Variants in CREB3L2 observed in about 807,000 individuals in gnomAD.
CREB3L2 encodes the protein cAMP responsive element binding protein 3 like 2.
Under a neutral mutation model 57.2 loss-of-function variants are expected in CREB3L2, and 23 were observed. The ratio of observed to expected loss-of-function variants is 0.40; its 90% CI spans 0.29 to 0.57. The LOEUF (loss-of-function observed/expected upper bound fraction) is 0.57, where lower values mean the gene tolerates loss of function less well. CREB3L2 is among the 20% of genes least tolerant of loss of function. The pLI is 0.42. For synonymous variants in CREB3L2, 268 were observed against 265.1 expected, an observed-to-expected ratio of 1.01 and a Z score of -0.11; for missense variants, 628 against 634.7, an observed-to-expected ratio of 0.99 and a Z score of 0.11.
At chr7:137,962,089 T>G (rs189909625) in intron 1 of CREB3L2, among the ~76,000 whole-genome samples, 18 of 152,248 alleles carry the variant, frequency 1.2e-4, no homozygotes, top group Admixed American at 5.2e-4. Flanking sequence ...AGGAAACACT[T>G]GTAGAACAAG....
In CREB3L2 at chr7:137,875,526, T is replaced by C. The variant is rs537586531; in HGVS notation, c.*4950A>G. 10 of 222,840 alleles carry C rather than the reference T, an allele frequency of 4.5e-5. No homozygotes were observed. The highest frequency in any genetic ancestry group is 1.8e-4 in the South Asian group (1 of 5,440). The allele number at this position is 222,840 out of a possible 1,614,324, so 13.8% of individuals were successfully genotyped here. On this transcript the variant is annotated 3_prime_UTR_variant, in exon 12 of 12. Coordinates refer to ENST00000330387, the MANE Select transcript of CREB3L2 (RefSeq NM_194071.4). Reference sequence around the variant, plus strand: ...CCTGCTAGCTGGAACTCACAGAAGATTGGAACAAAAAGATAGGAGATGGAC... The same window carrying C: ...CCTGCTAGCTGGAACTCACAGAAGACTGGAACAAAAAGATAGGAGATGGAC...
At chr7:137,942,026 T>C (rs543257420) in intron 1 of CREB3L2, among the ~76,000 whole-genome samples, 161 of 152,320 alleles carry the variant, frequency 1.1e-3, no homozygotes, top group African/African-American at 3.5e-3. Context: ...GATTGATTGA[T>C]CTTCCTTTCC....
chr7:137,997,592 G>A (rs1243453963), intron 1 of CREB3L2, among the ~76,000 whole-genome samples: 1 of 151,898 alleles, frequency 6.6e-6, no homozygotes, highest in African/African-American at 2.4e-5. Context: ...GCCAGGCATG[G>A]TGGCACACAC....
chr7:137,913,133 AC>A, intron 3 of CREB3L2, 55 bp from the exon 4 acceptor site: 1 of 1,559,052 alleles, frequency 6.4e-7, no homozygotes, highest in South Asian at 1.2e-5. Flanking sequence ...CCTTGAAGAC[AC>A]ATGCAGGAGA....
Position 137,880,399 on chromosome 7 carries a change from G to T in CREB3L2, c.*77C>A. On this transcript the variant is annotated 3_prime_UTR_variant, in exon 12 of 12. Transcript: ENST00000330387. This position sits in a 1 kb window ranked among gnomAD's most constrained non-coding sequence, Gnocchi z 4.0. ...CTCCATGAAGATCCAGTGGCAAAGAGGAAAAGCTGATGACAAAGGTGGTTT... is the reference window on the plus strand; with the variant it reads ...CTCCATGAAGATCCAGTGGCAAAGATGAAAAGCTGATGACAAAGGTGGTTT... 2 of 1,225,714 alleles carry T rather than the reference G, an allele frequency of 1.6e-6. No individual in the cohort carries two copies. The highest frequency in any genetic ancestry group is 2.4e-6 in the Non-Finnish European group (2 of 842,390). 75.9% of individuals were successfully genotyped at this position (1,225,714 alleles called of 1,614,324 possible). A position where few individuals can be genotyped will look rare whatever the true frequency, so the allele number is the denominator to read the frequency against.
rs59967148 is a variant in CREB3L2, at chr7:138,001,082, AACACACACACACACACAC to A, written c.102+504_102+521del. On this transcript the variant is annotated intron_variant, in intron 1 of 11. Transcript: ENST00000330387. This position sits in a 1 kb window ranked among gnomAD's most constrained non-coding sequence, Gnocchi z 4.2. ...CTCCCTAACGTAGAGGAGCCCTTTC[AACACACACACACACACAC>A]ACACACACACACACACACACACACA... is the stretch of plus-strand genomic sequence containing the variant. Among the ~76,000 whole-genome samples, 2,348 of 136,800 alleles carry A rather than the reference AACACACACACACACACAC, an allele frequency of 0.017. 76 individuals carry two copies. Among genetic ancestry groups the A allele is most frequent in the African/African-American group, 0.058 (2,181 of 37,404 alleles). The allele number at this position is 136,800 out of a possible 152,430, so 89.7% of individuals were successfully genotyped here.
At position 137,879,466 on chromosome 7, in the gene CREB3L2, C is replaced by T. The variant is rs529678747; in HGVS notation, c.*1010G>A. The T allele has an allele frequency of 8.0e-6, 3 of 375,092 alleles. No individual in the cohort carries two copies. In the Admixed American group the frequency reaches 1.3e-4, roughly 16 times the overall value. The allele number at this position is 375,092 out of a possible 1,614,324, so 23.2% of individuals were successfully genotyped here. A position where few individuals can be genotyped will look rare whatever the true frequency, so the allele number is the denominator to read the frequency against. On this transcript the variant is annotated 3_prime_UTR_variant, in exon 12 of 12. Coordinates refer to ENST00000330387, the MANE Select transcript of CREB3L2 (RefSeq NM_194071.4). ...AGAAAAAGCTTGTGGCCAGGGAGCC[C>T]GGGGCCTGAGTGAGGCATTGTGTCA...
intron 1 of CREB3L2, among the ~76,000 whole-genome samples, chr7:137,972,712 A>AATATAT (rs1563270138): frequency 8.8e-5 from 3 of 34,114 alleles, no homozygotes; most frequent in African/African-American, 2.8e-4. Flanking sequence ...AAAAAAAAAA[A>AATATAT]ATATATATAT....
chr7:137,943,829 C>T (rs1342243800), intron 1 of CREB3L2, among the ~76,000 whole-genome samples: 1 of 152,130 alleles, frequency 6.6e-6, no homozygotes, highest in African/African-American at 2.4e-5. Context: ...CCCCCTTTCC[C>T]ATTATGACAA....
intron 1 of CREB3L2, among the ~76,000 whole-genome samples, chr7:137,991,016 G>A (rs1053702527): frequency 6.6e-6 from 1 of 151,908 alleles, no homozygotes; most frequent in African/African-American, 2.4e-5. Flanking sequence ...TTTTGTCTGG[G>A]TTTCACTTAA....
rs1444103192 is a variant in CREB3L2 at position 137,877,345 on chromosome 7, A to G, written c.*3131T>C. 2 of 226,710 alleles carry G rather than the reference A, an allele frequency of 8.8e-6. No individual in the cohort carries two copies. The highest frequency in any genetic ancestry group is 1.8e-5 in the Non-Finnish European group (2 of 113,964). The allele number at this position is 226,710 out of a possible 1,614,324, so 14.0% of individuals were successfully genotyped here. A position where few individuals can be genotyped will look rare whatever the true frequency, so the allele number is the denominator to read the frequency against. The stretch of plus-strand genomic sequence containing the variant: ...TCAAATCTCATCCCCACTCCCTGCC[A>G]AAAAAGAGCAACCTAGTTCAGCTGT... On this transcript the variant is annotated 3_prime_UTR_variant, in exon 12 of 12. Transcript: ENST00000330387.
intron 4 of CREB3L2, among the ~76,000 whole-genome samples, chr7:137,909,185 A>T (rs1799955833): frequency 6.6e-6 from 1 of 152,234 alleles, no homozygotes; most frequent in African/African-American, 2.4e-5. Flanking sequence ...GACGCCAGGC[A>T]TTCTTCATTC....
At chr7:137,994,910 T>C (rs1801960977) in intron 1 of CREB3L2, among the ~76,000 whole-genome samples, 1 of 152,230 alleles carries the variant, frequency 6.6e-6, no homozygotes, top group South Asian at 2.1e-4. Flanking sequence ...AAAAGAAACA[T>C]ACCTTTTGAC....
chr7:137,960,809 CTTTTTT>C (rs66493086), intron 1 of CREB3L2, among the ~76,000 whole-genome samples: 2 of 95,574 alleles, frequency 2.1e-5, no homozygotes, highest in African/African-American at 4.3e-5. Context: ...TAAATTATTT[CTTTTTT>C]TTTTTTTTTT....
chr7:137,995,333 C>CTTTTTTTT (rs10676214), intron 1 of CREB3L2, among the ~76,000 whole-genome samples: 2,559 of 87,360 alleles, frequency 0.029, 322 homozygotes, highest in African/African-American at 0.038. Context: ...TCTTTTCTTT[C>CTTTTTTTT]TTTTTTTTTT....
At chr7:137,988,658 C>T (rs1463124259) in intron 1 of CREB3L2, among the ~76,000 whole-genome samples, 1 of 152,184 alleles carries the variant, frequency 6.6e-6, no homozygotes, top group Non-Finnish European at 1.5e-5. Context: ...TTAATGAGTA[C>T]AAAGGCTATC....
intron 5 of CREB3L2, among the ~76,000 whole-genome samples, chr7:137,907,946 C>T (rs1174694890): frequency 1.3e-5 from 2 of 152,160 alleles, no homozygotes; most frequent in Non-Finnish European, 2.9e-5. Flanking sequence ...TATGATAGAA[C>T]TTTGAGGAGA....
intron 1 of CREB3L2, among the ~76,000 whole-genome samples, chr7:137,976,078 C>T (rs1237371690): frequency 6.6e-6 from 1 of 152,244 alleles, no homozygotes; most frequent in Non-Finnish European, 1.5e-5. Context: ...AAAAACATCT[C>T]TTTCTTTTTG....
intron 1 of CREB3L2, among the ~76,000 whole-genome samples, chr7:137,931,657 C>T (rs1800643375): frequency 6.6e-6 from 1 of 151,512 alleles, no homozygotes; most frequent in Non-Finnish European, 1.5e-5. Flanking sequence ...CATGGTGAAA[C>T]TCCATCTCTA....
Sources: gnomAD v4.1 joint callset for allele counts (sites outside exome capture counted in the v4.1 genomes callset) on GRCh38, gnomAD v4.1.1 for gene constraint, Gnocchi (gnomAD v3.1) non-coding constraint, MANE v1.5 for transcripts, NCBI Gene and HGNC (gene_info 2026-07-23, HGNC 2026-07-21) for gene names.